SEMA3E: variants seen among roughly 807,000 people sequenced by gnomAD.
SEMA3E encodes the protein semaphorin-3E.
In SEMA3E, 49 loss-of-function variants were observed where a neutral mutation model predicts 93.6. The observed-to-expected ratio is 0.52, with a 90% CI of 0.42 to 0.66. The LOEUF (loss-of-function observed/expected upper bound fraction) is 0.66, where lower values mean the gene tolerates loss of function less well. SEMA3E is among the 30% of genes least tolerant of loss of function. The pLI is 0.00. For synonymous variants in SEMA3E, 363 were observed against 330.7 expected (o/e 1.10, Z -1.06); for missense variants, 906 against 964.8 (o/e 0.94, Z 0.81).
intron 1 of SEMA3E, among the ~76,000 whole-genome samples, chr7:83,600,320 C>CT (rs34265150): frequency 0.29 from 41,908 of 142,844 alleles, 6,443 homozygotes; most frequent in African/African-American, 0.41. Flanking sequence ...AATATTAATT[C>CT]TTTTTTTTTT....
chr7:83,537,913 C>CT (rs1791438713), intron 1 of SEMA3E, among the ~76,000 whole-genome samples: 1 of 152,082 alleles, frequency 6.6e-6, no homozygotes, highest in African/African-American at 2.4e-5. Context: ...CTACTTGCTA[C>CT]TTTTTTCACT....
At position 83,387,858 on chromosome 7, in the gene SEMA3E, A is replaced by G. The variant is rs190168987; in HGVS notation, c.1668-808T>C. 4.8e-3 allele frequency among the ~76,000 whole-genome samples: 706 copies of G among 145,628 alleles called. 6 individuals are homozygous for G. Among genetic ancestry groups the G allele is most frequent in the African/African-American group, 0.017 (662 of 40,022 alleles). On this transcript the variant is annotated intron_variant, in intron 14 of 16. Transcript: ENST00000643230. ...TATAACGTTATATATATGTTTATAT[A>G]TATATAACATTATATATATGTTTAT...
At chr7:83,533,782 G>A (rs1413043521) in intron 1 of SEMA3E, among the ~76,000 whole-genome samples, 1 of 152,014 alleles carries the variant, frequency 6.6e-6, no homozygotes, top group Non-Finnish European at 1.5e-5. Context: ...CAAATAAGGA[G>A]GAGGAGGAAA....
chr7:83,502,592 G>C (rs1562809439), intron 1 of SEMA3E, among the ~76,000 whole-genome samples: 1 of 151,990 alleles, frequency 6.6e-6, no homozygotes, highest in Admixed American at 6.6e-5. Flanking sequence ...CCAGTCTTAA[G>C]AAATAAATAA....
chr7:83,526,425 G>C (rs1279979688), intron 1 of SEMA3E, among the ~76,000 whole-genome samples: 1 of 152,120 alleles, frequency 6.6e-6, no homozygotes, highest in Admixed American at 6.6e-5. Context: ...TGGAGAGGAA[G>C]TAGAAAGGTT....
At chr7:83,627,771 A>G (rs912957717) in intron 1 of SEMA3E, among the ~76,000 whole-genome samples, 5 of 150,980 alleles carry the variant, frequency 3.3e-5, no homozygotes, top group African/African-American at 9.8e-5. Context: ...TCTTTATTCA[A>G]TTTGCCAGTC....
chr7:83,391,849 C>T (rs1220830995), intron 14 of SEMA3E, among the ~76,000 whole-genome samples: 2 of 152,046 alleles, frequency 1.3e-5, no homozygotes, highest in African/African-American at 4.8e-5. Context: ...CTATTGTTTG[C>T]TTTATTTTGT....
rs1792106628 is a variant in SEMA3E at position 83,564,749 on chromosome 7, G to A, written c.116-74475C>T. On this transcript the variant is annotated intron_variant, in intron 1 of 16. Transcript: ENST00000643230. The stretch of plus-strand genomic sequence containing the variant: ...CTTACATTTGTTGTTCAAAATATGT[G>A]TTCAGGAATGTTGTAATAGGAAAGA... Among the ~76,000 whole-genome samples, 2 of 151,972 alleles carry A rather than the reference G, an allele frequency of 1.3e-5. 1 individual carries two copies. The highest frequency in any genetic ancestry group is 4.1e-4 in the South Asian group (2 of 4,822).
intron 2 of SEMA3E, among the ~76,000 whole-genome samples, chr7:83,484,529 C>T (rs983425070): frequency 9.2e-5 from 14 of 152,108 alleles, no homozygotes; most frequent in African/African-American, 3.1e-4. Context: ...TGTTACTTTA[C>T]CAGTTCTGCA....
intron 3 of SEMA3E, among the ~76,000 whole-genome samples, chr7:83,468,578 G>A (rs184785816): frequency 3.0e-4 from 46 of 152,000 alleles, no homozygotes; most frequent in African/African-American, 1.0e-3. Flanking sequence ...TGAAAAAAAG[G>A]TTAAGTTCAC....
At chr7:83,440,506 A>G (rs1009102556) in intron 4 of SEMA3E, among the ~76,000 whole-genome samples, 1 of 152,190 alleles carries the variant, frequency 6.6e-6, no homozygotes, top group African/African-American at 2.4e-5. Flanking sequence ...CTCATTTTAT[A>G]AATAAACTTT....
Position 83,365,814 on chromosome 7 carries a change from CT to C in SEMA3E, c.*1771del, listed in dbSNP as rs1386598713. The C allele has an allele frequency of 1.3e-5, 2 of 152,122 alleles. No individual in the cohort carries two copies. The highest frequency in any genetic ancestry group is 4.8e-5 in the African/African-American group (2 of 41,448). 9.4% of individuals were successfully genotyped at this position (152,122 alleles called of 1,614,324 possible). On this transcript the variant is annotated 3_prime_UTR_variant, in exon 17 of 17. Coordinates refer to ENST00000643230, the MANE Select transcript of SEMA3E (RefSeq NM_012431.3). ...ATTGACTTATTTGTTCAGACATAAA[CT>C]TTGTAAGGCCCCTGTGATCTGTGTT... is the stretch of plus-strand genomic sequence containing the variant.
intron 4 of SEMA3E, among the ~76,000 whole-genome samples, chr7:83,439,543 A>C (rs1789069331): frequency 6.6e-6 from 1 of 152,228 alleles, no homozygotes; most frequent in African/African-American, 2.4e-5. Context: ...ATTCTTATAC[A>C]GTTAAAGAAG....
chr7:83,484,798 G>A (rs1020544829), intron 2 of SEMA3E, among the ~76,000 whole-genome samples: 2 of 151,896 alleles, frequency 1.3e-5, no homozygotes, highest in African/African-American at 4.8e-5. Flanking sequence ...TAATTCTAGG[G>A]TTATTAAAAT....
In SEMA3E at chr7:83,385,409, T is replaced by A. The variant is rs753040834; in HGVS notation, c.1760A>T (p.Glu587Val). 6.2e-7 allele frequency: 1 copy of A among 1,613,500 alleles called. No individual in the cohort carries two copies. The change falls in exon 16 of 17, where the codon GAA becomes GTA. Residue 587 changes from glutamate to valine, a missense_variant. By Grantham distance (121) the Glu-to-Val change is moderately radical (BLOSUM62 -2). Coordinates refer to ENST00000643230, the MANE Select transcript of SEMA3E (RefSeq NM_012431.3). ...FVGDALDKTE[E>V]HLAYGIENNS... The stretch of plus-strand genomic sequence containing the variant: ...GTTCTCTATGCCATAAGCCAGATGT[T>A]CTTCAGTCTTATCCAAAGCATCCCC...
chr7:83,594,242 CTTACG>C (rs993752932), intron 1 of SEMA3E, among the ~76,000 whole-genome samples: 3 of 152,028 alleles, frequency 2.0e-5, no homozygotes, highest in African/African-American at 7.2e-5. Context: ...AGGTGAAGTG[CTTACG>C]TGAGAACAAT....
chr7:83,426,064 C>T (rs1473318181), intron 4 of SEMA3E, among the ~76,000 whole-genome samples: 1 of 152,078 alleles, frequency 6.6e-6, no homozygotes, highest in Non-Finnish European at 1.5e-5. Flanking sequence ...ATTAAAAAGT[C>T]AATAAATAAT....
At chr7:83,372,772 C>T (rs945803328) in intron 16 of SEMA3E, 2 of 152,180 alleles carry the variant, frequency 1.3e-5, no homozygotes, top group Non-Finnish European at 2.9e-5. Flanking sequence ...TGTTTTCATG[C>T]TCGGTCTGGA....
chr7:83,640,555 T>G lies in SEMA3E; in HGVS notation c.115+7873A>C, dbSNP rs888875972. On this transcript the variant is annotated intron_variant, in intron 1 of 16. Coordinates refer to ENST00000643230, the MANE Select transcript of SEMA3E (RefSeq NM_012431.3). ...TGGCTAGTAAGCTATTTACTTAGTA[T>G]TTCATTATTTCCTACATCATGGATT... Among the ~76,000 whole-genome samples, 11 of 152,178 alleles carry G rather than the reference T, an allele frequency of 7.2e-5. No individual in the cohort carries two copies. In the South Asian group the frequency reaches 1.2e-3, roughly 17 times the overall value.
Sources: gnomAD v4.1 joint callset for allele counts (sites outside exome capture counted in the v4.1 genomes callset) on GRCh38, gnomAD v4.1.1 for gene constraint, MANE v1.5 for transcripts, NCBI Gene and HGNC (gene_info 2026-07-23, HGNC 2026-07-21) for gene names.